RYR2: variants seen among roughly 807,000 people sequenced by gnomAD.
RYR2 encodes ryanodine receptor 2, also known as cardiac muscle ryanodine receptor-calcium release channel.
A neutral mutation model predicts 601.1 loss-of-function variants in RYR2; 227 were observed. The ratio of observed to expected loss-of-function variants is 0.38; its 90% CI spans 0.34 to 0.42. RYR2 has a LOEUF of 0.42. Among genes scored for constraint, RYR2 ranks in the 10% least tolerant of loss-of-function variants. The pLI, the probability that RYR2 is intolerant of heterozygous loss-of-function variation, is 1.00. For synonymous variants in RYR2, 2,223 were observed against 2,175.1 expected, an observed-to-expected ratio of 1.02 and a Z score of -0.61; for missense variants, 4,646 against 6,156.5, an observed-to-expected ratio of 0.75 and a Z score of 8.21.
intron 77 of RYR2, 79 bp downstream of exon 77, chr1:237,730,435 A>G: frequency 1.4e-6 from 1 of 728,260 alleles, no homozygotes. Context: ...GTCATTATAT[A>G]ACATTGAAGG....
intron 1 of RYR2, among the ~76,000 whole-genome samples, chr1:237,220,377 C>T (rs1683677966): frequency 6.6e-6 from 1 of 152,220 alleles, no homozygotes; most frequent in African/African-American, 2.4e-5. Flanking sequence ...CTCCTGGGGG[C>T]TCTCAGGCCT....
chr1:237,321,975 C>T (rs1238738529), intron 2 of RYR2, among the ~76,000 whole-genome samples: 1 of 152,126 alleles, frequency 6.6e-6, no homozygotes, highest in East Asian at 1.9e-4. Flanking sequence ...CTGGTTAATG[C>T]TTAGCTATGC....
At position 237,806,387 on chromosome 1, in the gene RYR2, AT is replaced by A. The variant is rs781066796; in HGVS notation, c.14298+111del. 2.2e-5 allele frequency: 26 copies of A among 1,185,036 alleles called. No individual in the cohort carries two copies. In the East Asian group the frequency reaches 4.8e-4, roughly 22 times the overall value. The allele number at this position is 1,185,036 out of a possible 1,614,324, so 73.4% of individuals were successfully genotyped here. On this transcript the variant is annotated intron_variant, in intron 99 of 104. Transcript: ENST00000366574. ...CAAATGACAATGTACAGTTTTAAAG[AT>A]TTTTTTGAAGGGAGGGTCTGCACCT...
intron 29 of RYR2, among the ~76,000 whole-genome samples, chr1:237,586,402 T>C (rs1481861549): frequency 6.6e-6 from 1 of 152,188 alleles, no homozygotes; most frequent in African/African-American, 2.4e-5. Flanking sequence ...GTGCTAAGCA[T>C]TATACATACA....
chr1:237,792,112 C>A lies in RYR2; in HGVS notation c.13571C>A (p.Thr4524Asn). 1.3e-6 allele frequency: 2 copies of A among 1,593,350 alleles called. No individual in the cohort carries two copies. Among genetic ancestry groups the A allele is most frequent in the African/African-American group, 1.3e-5 (1 of 74,666 alleles). ...TTAAATGCTTTGAATCAGGTCTCCA[C>A]TTCTTCTGTGGTTGAAGGAAAGGAG... ...NFILLFYKVSTSSVVEGKELP... is the reference protein window; with the variant it reads ...NFILLFYKVSNSSVVEGKELP... The change falls in exon 94 of 105, where the codon ACT becomes AAT. Residue 4524 changes from threonine to asparagine, a missense_variant. By Grantham distance (65) the Thr-to-Asn change is moderately conservative (BLOSUM62 0). Around this residue, in one of 17 missense-constraint regions of RYR2, gnomAD observed 364 missense variants for 442.9 expected, o/e 0.82. Transcript: ENST00000366574.
chr1:237,390,472 G>A (rs537139382), intron 10 of RYR2, among the ~76,000 whole-genome samples: 8 of 152,208 alleles, frequency 5.3e-5, no homozygotes, highest in East Asian at 1.9e-4. Flanking sequence ...GAAAATACAC[G>A]TAAAATACTT....
chr1:237,700,274 A>G lies in RYR2; in HGVS notation c.9174A>G (p.Arg3058=), dbSNP rs1050820001. 6 of 1,584,028 alleles carry G rather than the reference A, an allele frequency of 3.8e-6. No individual in the cohort carries two copies. The highest frequency in any genetic ancestry group is 5.2e-6 in the Non-Finnish European group (6 of 1,164,032). Residue 3058 remains arginine, a synonymous_variant, in exon 65 of 105, where the codon AGA becomes AGG. Coordinates refer to ENST00000366574, the MANE Select transcript of RYR2 (RefSeq NM_001035.3). The part of the protein sequence containing the change: ...TGLESVKSAL[R]AFLDNAAEDL... ...TGGAGAGTGTTAAAAGTGCACTCAG[A>G]GCTTTTCTGGACAACGCTGCAGAGG...
chr1:237,253,004 A>C (rs1572367746), intron 1 of RYR2, among the ~76,000 whole-genome samples: 2 of 152,020 alleles, frequency 1.3e-5, no homozygotes, highest in East Asian at 3.9e-4. Context: ...ATCTCTACTA[A>C]AAATACAAAA....
chr1:237,219,709 T>A (rs1344854342), intron 1 of RYR2, among the ~76,000 whole-genome samples: 1 of 152,072 alleles, frequency 6.6e-6, no homozygotes, highest in Non-Finnish European at 1.5e-5. Context: ...CCTGGATAAG[T>A]GGAGATGATA....
chr1:237,638,009 A>G lies in RYR2; in HGVS notation c.6793-348A>G, dbSNP rs573428992. Among the ~76,000 whole-genome samples, 42 of 152,192 alleles carry G rather than the reference A, an allele frequency of 2.8e-4. No homozygotes were observed. The South Asian group carries it at 8.3e-3, about 30-fold the overall frequency. ...CCAAAGTGTTTAAGGAGATGGTGCA[A>G]ATAAAACAGCAACTGGTTCTAGTCC... On this transcript the variant is annotated intron_variant, in intron 44 of 104. Coordinates refer to ENST00000366574, the MANE Select transcript of RYR2 (RefSeq NM_001035.3).
chr1:237,130,837 A>T (rs1209606330), intron 1 of RYR2, among the ~76,000 whole-genome samples: 1 of 152,148 alleles, frequency 6.6e-6, no homozygotes, highest in Non-Finnish European at 1.5e-5. Flanking sequence ...TATTTATATG[A>T]TCAATTTTTT....
intron 8 of RYR2, 57 bp downstream of exon 8, chr1:237,377,492 A>G: frequency 7.7e-7 from 1 of 1,296,592 alleles, no homozygotes; most frequent in Non-Finnish European, 1.1e-6. Flanking sequence ...CAAGTCAATA[A>G]AATGATCTCT....
chr1:237,160,641 A>G (rs1473983062), intron 1 of RYR2, among the ~76,000 whole-genome samples: 1 of 151,976 alleles, frequency 6.6e-6, no homozygotes, highest in Non-Finnish European at 1.5e-5. Context: ...TGTCCATTTT[A>G]CTAATGTCTT....
chr1:237,249,955 C>T (rs1057413107), intron 1 of RYR2, among the ~76,000 whole-genome samples: 13 of 152,124 alleles, frequency 8.5e-5, no homozygotes, highest in African/African-American at 2.2e-4. Flanking sequence ...GGTTGTGAAG[C>T]GTGGTCCCAG....
chr1:237,159,393 T>G (rs1289487555), intron 1 of RYR2, among the ~76,000 whole-genome samples: 1 of 150,934 alleles, frequency 6.6e-6, no homozygotes, highest in Non-Finnish European at 1.5e-5. Flanking sequence ...GGGGCGTTTA[T>G]CTAAGGAAGA....
intron 2 of RYR2, among the ~76,000 whole-genome samples, chr1:237,310,869 G>T (rs1476316524): frequency 6.6e-6 from 1 of 152,038 alleles, no homozygotes; most frequent in Non-Finnish European, 1.5e-5. Flanking sequence ...AATGACATTT[G>T]GTTACACATC....
chr1:237,307,463 A>G (rs1414538815), intron 2 of RYR2, among the ~76,000 whole-genome samples: 1 of 152,254 alleles, frequency 6.6e-6, no homozygotes, highest in East Asian at 1.9e-4. Context: ...ACATTATTGT[A>G]CATTATTGTA....
intron 1 of RYR2, among the ~76,000 whole-genome samples, chr1:237,128,893 T>C (rs1400444018): frequency 6.6e-6 from 1 of 151,860 alleles, no homozygotes; most frequent in Non-Finnish European, 1.5e-5. Context: ...AGGTTGGATA[T>C]GAGTAGAAAA....
rs140517111 is a variant in RYR2 at position 237,614,020 on chromosome 1, A to G, written c.4911-19A>G. The G allele has an allele frequency of 1.9e-4, 307 of 1,594,126 alleles. 1 individual carries two copies. The East Asian group carries it at 5.0e-3, about 26-fold the overall frequency. ...ATCATTCATTTCTAATCTTACTACC[A>G]CTCTCCTCCCTTCTACAGATCTGTT... On this transcript the variant is annotated intron_variant, in intron 36 of 104. Transcript: ENST00000366574. This position sits in a 1 kb window ranked among gnomAD's most constrained non-coding sequence, Gnocchi z 4.3.
Sources: gnomAD v4.1 joint callset for allele counts (sites outside exome capture counted in the v4.1 genomes callset) on GRCh38, gnomAD v4.1.1 for gene constraint, gnomAD v4.1.1 regional missense constraint, Gnocchi (gnomAD v3.1) non-coding constraint, MANE v1.5 for transcripts, NCBI Gene and HGNC (gene_info 2026-07-23, HGNC 2026-07-21) for gene names.